The following PARD3 variants were observed in gnomAD, a reference collection of about 807,000 sequenced individuals.
The protein encoded by PARD3 is partitioning defective 3 homolog.
Under a neutral mutation model 155.4 loss-of-function variants are expected in PARD3, and 75 were observed. The observed-to-expected ratio is 0.48, with a 90% CI of 0.40 to 0.58. The LOEUF (loss-of-function observed/expected upper bound fraction) is 0.58. Among genes scored for constraint, PARD3 ranks in the 20% least tolerant of loss-of-function variants. The pLI is 0.00. For synonymous variants in PARD3, 576 were observed against 610.5 expected (o/e 0.94, Z 0.83); for missense variants, 1,642 against 1,721.7 (o/e 0.95, Z 0.82).
At chr10:34,462,946 AG>A (rs1352974017) in intron 4 of PARD3, among the ~76,000 whole-genome samples, 11 of 63,866 alleles carry the variant, frequency 1.7e-4, no homozygotes, top group African/African-American at 6.5e-4. Flanking sequence ...GGAAGGGGAG[AG>A]GGAAGAGAAG....
chr10:34,738,981 C>G (rs2094961569), intron 1 of PARD3, among the ~76,000 whole-genome samples: 1 of 152,042 alleles, frequency 6.6e-6, no homozygotes, highest in South Asian at 2.1e-4. Context: ...TATATCTGAA[C>G]AAAAATTTAC....
At chr10:34,152,873 G>A (rs553265597) in intron 22 of PARD3, among the ~76,000 whole-genome samples, 12 of 152,280 alleles carry the variant, frequency 7.9e-5, no homozygotes, top group African/African-American at 2.9e-4. Flanking sequence ...CAGAATTAAA[G>A]AGCATTCCAA....
intron 1 of PARD3, among the ~76,000 whole-genome samples, chr10:34,778,933 T>C (rs1338006015): frequency 1.3e-5 from 2 of 152,234 alleles, no homozygotes; most frequent in East Asian, 1.9e-4. Context: ...GATTCTGACT[T>C]AGAAAAATCT....
chr10:34,359,974 G>A (rs12264891), intron 13 of PARD3, 97 bp downstream of exon 13: 4 of 893,068 alleles, frequency 4.5e-6, no homozygotes, highest in Non-Finnish European at 7.0e-6. Context: ...AAAGAAATGA[G>A]AAAACTTCTG....
chr10:34,474,514 C>T (rs998394565), intron 3 of PARD3, among the ~76,000 whole-genome samples: 6 of 152,176 alleles, frequency 3.9e-5, no homozygotes, highest in Non-Finnish European at 7.3e-5. Flanking sequence ...CATACACACG[C>T]GTGCACAAAG....
Position 34,317,142 on chromosome 10 carries a change from C to T in PARD3, c.3030G>A (p.Lys1010=), listed in dbSNP as rs574508242. 2 of 1,573,080 alleles carry T rather than the reference C, an allele frequency of 1.3e-6. No individual in the cohort carries two copies. Among genetic ancestry groups the T allele is most frequent in the African/African-American group, 1.3e-5 (1 of 74,298 alleles). ...RDKEKDKMKA[K]KGMLKGLGDM... ...CTCCCAAGCCCTTCAGCATTCCCTT[C>T]TTGGCTTTCATTTTATCCTTCTCCT... Residue 1010 remains lysine (K), a synonymous_variant, in exon 20 of 25, where the codon AAG becomes AAA. Transcript: ENST00000374788.
At position 34,290,914 on chromosome 10, in the gene PARD3, T is replaced by C. The variant is rs1956646702; in HGVS notation, c.3066-6669A>G. 2.0e-5 allele frequency among the ~76,000 whole-genome samples: 3 copies of C among 152,226 alleles called. No individual in the cohort carries two copies. The South Asian group carries it at 6.2e-4, about 31-fold the overall frequency. ...ATTCCTGTGTCTCAATCCAGTTCTC[T>C]GCATAGTCCAGAGCACATTATTCAC... On this transcript the variant is annotated intron_variant, in intron 20 of 24. Transcript: ENST00000374788.
chr10:34,319,922 CT>C (rs1958273842), intron 19 of PARD3, among the ~76,000 whole-genome samples: 1 of 152,194 alleles, frequency 6.6e-6, no homozygotes, highest in Non-Finnish European at 1.5e-5. Flanking sequence ...TATACTCAAA[CT>C]AGATAAATGG....
At chr10:34,332,358 A>G (rs1835707432) in intron 18 of PARD3, among the ~76,000 whole-genome samples, 2 of 152,112 alleles carry the variant, frequency 1.3e-5, no homozygotes, top group African/African-American at 4.8e-5. Context: ...GCTCTGCACC[A>G]CCACCTGGGC....
intron 2 of PARD3, among the ~76,000 whole-genome samples, chr10:34,616,097 T>A (rs1422701207): frequency 2.0e-5 from 3 of 152,082 alleles, no homozygotes; most frequent in South Asian, 2.1e-4. Context: ...GGCGGGTGGA[T>A]CACCTGAGGC....
chr10:34,128,616 C>A (rs560450764), intron 23 of PARD3, among the ~76,000 whole-genome samples: 2 of 152,104 alleles, frequency 1.3e-5, no homozygotes, highest in African/African-American at 4.8e-5. Context: ...CTCCAACCCC[C>A]ATGTTGTTTA....
chr10:34,286,465 C>T (rs995822896), intron 20 of PARD3, among the ~76,000 whole-genome samples: 1 of 152,158 alleles, frequency 6.6e-6, no homozygotes, highest in Non-Finnish European at 1.5e-5. Flanking sequence ...TCTCCTAAGT[C>T]GACATGTGAG....
intron 1 of PARD3, among the ~76,000 whole-genome samples, chr10:34,741,998 A>G (rs1281235677): frequency 6.6e-6 from 1 of 152,186 alleles, no homozygotes; most frequent in Non-Finnish European, 1.5e-5. Flanking sequence ...CTCAGAAGCA[A>G]TGAGACAATC....
intron 22 of PARD3, among the ~76,000 whole-genome samples, chr10:34,159,102 T>C (rs1034068923): frequency 2.0e-5 from 3 of 152,230 alleles, no homozygotes; most frequent in African/African-American, 7.2e-5. Flanking sequence ...AACAATTCCT[T>C]TCAACTAGAA....
At chr10:34,510,609 A>G (rs1589826000) in intron 3 of PARD3, among the ~76,000 whole-genome samples, 1 of 152,278 alleles carries the variant, frequency 6.6e-6, no homozygotes, top group East Asian at 1.9e-4. Flanking sequence ...TGCTATATGG[A>G]GTGGGGGAAA....
intron 22 of PARD3, among the ~76,000 whole-genome samples, chr10:34,180,674 G>C (rs776051947): frequency 3.3e-5 from 5 of 152,098 alleles, no homozygotes; most frequent in Non-Finnish European, 5.9e-5. Context: ...CTTGGAAAAA[G>C]CTAGACTACT....
intron 2 of PARD3, among the ~76,000 whole-genome samples, chr10:34,521,466 T>C (rs967527542): frequency 1.3e-5 from 2 of 152,124 alleles, no homozygotes; most frequent in African/African-American, 4.8e-5. Flanking sequence ...TCTTTTAAAT[T>C]TGTGAAATGT....
chr10:34,592,182 T>C (rs575196091), intron 2 of PARD3, among the ~76,000 whole-genome samples: 1 of 152,218 alleles, frequency 6.6e-6, no homozygotes, highest in Non-Finnish European at 1.5e-5. Flanking sequence ...TCTGGACTCA[T>C]GATACACAAC....
At chr10:34,407,092 T>A (rs910429111) in intron 5 of PARD3, among the ~76,000 whole-genome samples, 11 of 152,156 alleles carry the variant, frequency 7.2e-5, no homozygotes, top group African/African-American at 2.7e-4. Context: ...GAAGTAAATA[T>A]CAGAGCAGAC....
Sources: allele counts gnomAD v4.1 joint callset (sites outside exome capture counted in the v4.1 genomes callset), GRCh38; gene constraint gnomAD v4.1.1; transcripts MANE v1.5; gene names NCBI Gene and HGNC (gene_info 2026-07-23, HGNC 2026-07-21).